The following TRPM3 variants were observed in gnomAD, a reference collection of about 807,000 sequenced individuals.
The protein encoded by TRPM3 is transient receptor potential cation channel subfamily M member 3, also known as long transient receptor potential channel 3.
A neutral mutation model predicts 181.2 loss-of-function variants in TRPM3; 77 were observed. That is an observed-to-expected ratio of 0.42 (90% CI 0.35 to 0.51). The LOEUF is 0.51. TRPM3 is among the 20% of genes least tolerant of loss of function. The pLI is 0.01. For missense variants in TRPM3, 1,759 were observed against 2,196.7 expected (o/e 0.80, Z 3.98); for synonymous variants, 745 against 796.4 (o/e 0.94, Z 1.09).
intron 1 of TRPM3, among the ~76,000 whole-genome samples, chr9:71,217,387 C>T (rs2079957169): frequency 2.0e-5 from 3 of 152,096 alleles, no homozygotes; most frequent in South Asian, 4.1e-4. Flanking sequence ...ATGTGTGTGT[C>T]AGACAGAGGT....
intron 2 of TRPM3, among the ~76,000 whole-genome samples, 185 bp from the exon 3 acceptor site, chr9:70,863,297 T>C (rs12553375): frequency 0.026 from 3,911 of 152,234 alleles, 116 homozygotes; most frequent in East Asian, 0.12. Context: ...TACATATCTT[T>C]TCTTTTCTCC....
At chr9:70,852,984 C>T (rs888532932) in intron 3 of TRPM3, among the ~76,000 whole-genome samples, 1 of 152,124 alleles carries the variant, frequency 6.6e-6, no homozygotes, top group Non-Finnish European at 1.5e-5. Context: ...TTGTTTTTCC[C>T]ATGGGTCAAT....
intron 1 of TRPM3, among the ~76,000 whole-genome samples, chr9:71,318,161 G>A (rs142657136): frequency 1.6e-3 from 240 of 152,252 alleles, no homozygotes; most frequent in African/African-American, 5.1e-3. Flanking sequence ...CAGAGTTTGT[G>A]ATAATTTAGA....
At chr9:70,804,613 T>C (rs2090187964) in intron 6 of TRPM3, among the ~76,000 whole-genome samples, 1 of 152,160 alleles carries the variant, frequency 6.6e-6, no homozygotes, top group East Asian at 1.9e-4. Context: ...CTTCTTCCTC[T>C]TCTTTGCTAT....
chr9:70,664,739 C>T (rs977116239), intron 9 of TRPM3, among the ~76,000 whole-genome samples: 4 of 148,554 alleles, frequency 2.7e-5, no homozygotes, highest in Admixed American at 2.0e-4. Context: ...CAGCCTTTGC[C>T]TCCCAGGTTT....
chr9:70,947,190 C>T (rs1361815634), intron 1 of TRPM3, among the ~76,000 whole-genome samples: 1 of 152,082 alleles, frequency 6.6e-6, no homozygotes, highest in Non-Finnish European at 1.5e-5. Context: ...TGTGTGAATT[C>T]CACTTTATCT....
intron 1 of TRPM3, among the ~76,000 whole-genome samples, chr9:71,310,306 GA>G (rs1192270544): frequency 2.6e-5 from 4 of 151,936 alleles, no homozygotes; most frequent in Non-Finnish European, 4.4e-5. Context: ...AAACTAATCT[GA>G]AATGTACTAT....
chr9:70,542,904 A>G (rs2043845508), intron 25 of TRPM3, among the ~76,000 whole-genome samples: 1 of 152,178 alleles, frequency 6.6e-6, no homozygotes, highest in Non-Finnish European at 1.5e-5. Context: ...ACAGACTGAT[A>G]TCTAATCTAT....
chr9:70,854,826 T>G (rs1305408470), intron 3 of TRPM3, among the ~76,000 whole-genome samples: 1 of 152,238 alleles, frequency 6.6e-6, no homozygotes, highest in Admixed American at 6.5e-5. Flanking sequence ...ATGTTCTGTA[T>G]GAACTAGAGG....
intron 16 of TRPM3, 125 bp from the exon 17 acceptor site, chr9:70,619,220 A>AAT: frequency 2.8e-6 from 2 of 724,278 alleles, no homozygotes; most frequent in South Asian, 3.4e-5. Context: ...TATGGGGTCT[A>AAT]GTCTGTTTGT....
At chr9:71,264,356 G>A (rs867734463) in intron 1 of TRPM3, among the ~76,000 whole-genome samples, 51 of 152,222 alleles carry the variant, frequency 3.4e-4, no homozygotes, top group African/African-American at 1.0e-3. Flanking sequence ...TCTGATGTAA[G>A]TAGATAACAA....
At chr9:71,420,815 G>GAGAAAGAAAGAGAGAAAGAA (rs2093737632) in intron 1 of TRPM3, among the ~76,000 whole-genome samples, 1 of 2,032 alleles carries the variant, frequency 4.9e-4, no homozygotes, top group African/African-American at 3.1e-3. Context: ...GAGAAAGAAA[G>GAGAAAGAAAGAGAGAAAGAA]AGAGAAAGAG....
chr9:70,611,673 G>A (rs1247776865), intron 18 of TRPM3, among the ~76,000 whole-genome samples: 1 of 152,198 alleles, frequency 6.6e-6, no homozygotes, highest in Admixed American at 6.5e-5. Context: ...CATGTGCCTT[G>A]GTTCCCTAAT....
At chr9:71,199,741 C>G (rs554786702) in intron 1 of TRPM3, among the ~76,000 whole-genome samples, 2 of 113,476 alleles carry the variant, frequency 1.8e-5, no homozygotes, top group Admixed American at 8.9e-5. Context: ...ATTTTTTTTG[C>G]GTCTATTTGA....
intron 1 of TRPM3, among the ~76,000 whole-genome samples, chr9:71,430,092 A>G (rs1431611181): frequency 2.6e-5 from 4 of 152,120 alleles, no homozygotes; most frequent in Non-Finnish European, 5.9e-5. Flanking sequence ...ATCACTAGAT[A>G]TTTTATTACA....
In TRPM3 at chr9:70,535,364, A is replaced by C; in HGVS notation, c.*589T>G. The stretch of plus-strand genomic sequence containing the variant: ...GTTACCTTGTTTTTTCTTTATAATG[A>C]TCAATTACAGAAGTGTTGGCATGAG... On this transcript the variant is annotated 3_prime_UTR_variant, in exon 26 of 26. Transcript: ENST00000677713. 2 of 1,519,916 alleles carry C rather than the reference A, an allele frequency of 1.3e-6. No individual in the cohort carries two copies. The highest frequency in any genetic ancestry group is 1.8e-6 in the Non-Finnish European group (2 of 1,119,908). 94.2% of individuals were successfully genotyped at this position (1,519,916 alleles called of 1,614,324 possible).
At chr9:71,162,199 C>CAAAAAAAAAAAAA (rs35947110) in intron 1 of TRPM3, among the ~76,000 whole-genome samples, 4 of 74,432 alleles carry the variant, frequency 5.4e-5, no homozygotes, top group Non-Finnish European at 9.8e-5. Flanking sequence ...GACTCTGTCT[C>CAAAAAAAAAAAAA]AAAAAAAAAA....
intron 1 of TRPM3, among the ~76,000 whole-genome samples, chr9:71,045,800 A>G (rs1320523634): frequency 6.6e-6 from 1 of 152,230 alleles, no homozygotes; most frequent in East Asian, 1.9e-4. Flanking sequence ...TTAGCGTACT[A>G]TGTAACATTA....
intron 1 of TRPM3, among the ~76,000 whole-genome samples, chr9:71,010,831 G>A (rs2097728895): frequency 6.6e-6 from 1 of 151,928 alleles, no homozygotes; most frequent in Admixed American, 6.6e-5. Flanking sequence ...GCACTCCCAT[G>A]TTTATTGCAG....
Sources: gnomAD v4.1 joint callset for allele counts (sites outside exome capture counted in the v4.1 genomes callset) on GRCh38, gnomAD v4.1.1 for gene constraint, MANE v1.5 for transcripts, NCBI Gene and HGNC (gene_info 2026-07-23, HGNC 2026-07-21) for gene names.